The following CNOT3 variants were observed in gnomAD, a reference collection of about 807,000 sequenced individuals.
CNOT3 encodes the protein CCR4-associated factor 3.
CNOT3 carries 2 observed loss-of-function variants against 89.4 expected under a neutral mutation model. The ratio of observed to expected loss-of-function variants is 0.02; its 90% CI spans 0.01 to 0.07. CNOT3 has a LOEUF of 0.07. Ranked by LOEUF, CNOT3 falls within the 10% of genes least tolerant of loss-of-function variation. CNOT3 has a pLI of 1.00. For synonymous variants in CNOT3, 486 were observed against 402.0 expected, an observed-to-expected ratio of 1.21 and a Z score of -2.50; for missense variants, 664 against 1,010.2, an observed-to-expected ratio of 0.66 and a Z score of 4.65.
chr19:54,155,291 G>A lies in CNOT3; in HGVS notation c.2164-18G>A, dbSNP rs562950117. On this transcript the variant is annotated intron_variant, in intron 17 of 17. Transcript: ENST00000221232. ...CCACCTCCTCGTCCACTCACTGACC[G>A]CCTTCTCCCCCGGCCAGGGCACCTA... 32 of 1,612,154 alleles carry A rather than the reference G, an allele frequency of 2.0e-5. No individual in the cohort carries two copies. In the East Asian group the frequency reaches 2.7e-4, roughly 13 times the overall value.
In CNOT3 at chr19:54,152,577, G is replaced by A. The variant is rs972086604; in HGVS notation, c.1855G>A (p.Glu619Lys). ...GCAGCTCTATCAGCAGGCCATGGAAGAGGCCGCCTGGCACCACATGCCTCA... is the reference window on the plus strand; with the variant it reads ...GCAGCTCTATCAGCAGGCCATGGAAAAGGCCGCCTGGCACCACATGCCTCA... ...KEQLYQQAME[E>K]AAWHHMPHPS... The change falls in exon 15 of 18, where the codon GAG becomes AAG. Residue 619 changes from glutamate (E) to lysine (K), a missense_variant. Around this residue, in one of 8 missense-constraint regions of CNOT3, gnomAD observed 545 missense variants for 566.2 expected, o/e 0.96. Transcript: ENST00000221232. 5 of 1,614,086 alleles carry A rather than the reference G, an allele frequency of 3.1e-6. No individual in the cohort carries two copies. Among genetic ancestry groups the A allele is most frequent in the Non-Finnish European group, 4.2e-6 (5 of 1,180,014 alleles).
chr19:54,142,659 C>T (rs1568630725), intron 1 of CNOT3: 4 of 557,466 alleles, frequency 7.2e-6, no homozygotes, highest in Non-Finnish European at 1.3e-5. Context: ...ACTCCATGCT[C>T]TAGGAATTTT....
Position 54,148,438 on chromosome 19 carries a change from T to G in CNOT3, c.1185T>G (p.Pro395=), listed in dbSNP as rs1383475111. 3 of 1,569,328 alleles carry G rather than the reference T, an allele frequency of 1.9e-6. No homozygotes were observed. The highest frequency in any genetic ancestry group is 1.7e-4 in the Middle Eastern group (1 of 5,828). ...AGCCCCGGCCCCCCAGCGTCCAGCC[T>G]AGCGGAGGCGGAGGCGGCGGCAGCG... is the stretch of plus-strand genomic sequence containing the variant. ...TTQPRPPSVQ[P]SGGGGGGSGG... is the part of the protein sequence containing the mutation. Residue 395 remains proline, a synonymous_variant, in exon 11 of 18, where the codon CCT becomes CCG. Transcript: ENST00000221232. The surrounding 1 kb of genome is among the most constrained non-coding windows in gnomAD (Gnocchi z 6.3).
chr19:54,150,536 G>A (rs2075017223), intron 13 of CNOT3, among the ~76,000 whole-genome samples: 1 of 112,554 alleles, frequency 8.9e-6, no homozygotes, highest in South Asian at 2.6e-4. Context: ...CCAGTATACT[G>A]TAGCGCAGCT....
At chr19:54,150,642 G>GGAGGCA (rs760687555) in intron 13 of CNOT3, among the ~76,000 whole-genome samples, 43 of 152,014 alleles carry the variant, frequency 2.8e-4, no homozygotes, top group South Asian at 4.2e-4. Context: ...AGGCTGTCCA[G>GGAGGCA]GTCCAAGTCT....
At chr19:54,152,140 C>T (rs2075151225) in intron 13 of CNOT3, 86 bp from the exon 14 acceptor site, 2 of 1,431,334 alleles carry the variant, frequency 1.4e-6, no homozygotes, top group Non-Finnish European at 2.0e-6. Flanking sequence ...CCAAACAGGG[C>T]AGGTGAGAGC....
chr19:54,150,462 G>A (rs774202973), intron 13 of CNOT3, among the ~76,000 whole-genome samples: 3 of 151,560 alleles, frequency 2.0e-5, no homozygotes, highest in Admixed American at 1.3e-4. Context: ...GATAGTGGGT[G>A]TAGCAGGATA....
At position 54,155,560 on chromosome 19, in the gene CNOT3, C is replaced by T. The variant is rs1419947963; in HGVS notation, c.*153C>T. 2 of 944,836 alleles carry T rather than the reference C, an allele frequency of 2.1e-6. No individual in the cohort carries two copies. The highest frequency in any genetic ancestry group is 1.7e-5 in the South Asian group (1 of 58,744). The allele number at this position is 944,836 out of a possible 1,614,324, so 58.5% of individuals were successfully genotyped here. ...GGAGGGGGCCGGGAGGTTTTCCTCT[C>T]AGCCCCACCCTGGGGGCCCGGGGGC... is the stretch of plus-strand genomic sequence containing the variant. On this transcript the variant is annotated 3_prime_UTR_variant, in exon 18 of 18. Coordinates refer to ENST00000221232, the MANE Select transcript of CNOT3 (RefSeq NM_014516.4).
At chr19:54,155,246 G>A in intron 17 of CNOT3, 63 bp from the exon 18 acceptor site, 1 of 1,592,522 alleles carries the variant, frequency 6.3e-7, no homozygotes, top group East Asian at 2.3e-5. Context: ...TTTGTCTGTT[G>A]GTCCGGCCCA....
At chr19:54,142,753 A>G (rs769902904) in intron 1 of CNOT3, 176 bp from the exon 2 acceptor site, 1 of 604,058 alleles carries the variant, frequency 1.7e-6, no homozygotes, top group Non-Finnish European at 3.0e-6. Context: ...TTGGCCAGAC[A>G]CTATGCTGGG....
In CNOT3 at chr19:54,148,799, C is replaced by T. The variant is rs980261802; in HGVS notation, c.1406+56C>T. Reference sequence around the variant, plus strand: ...ATGGCAGCCTTTTGAAACAGAGAGGCGCAGGCGCCTCACCCCCGCATCGGT... The same window carrying T: ...ATGGCAGCCTTTTGAAACAGAGAGGTGCAGGCGCCTCACCCCCGCATCGGT... On this transcript the variant is annotated intron_variant, in intron 12 of 17. Transcript: ENST00000221232. The surrounding 1 kb of genome is among the most constrained non-coding windows in gnomAD (Gnocchi z 6.3). 48 of 1,570,136 alleles carry T rather than the reference C, an allele frequency of 3.1e-5. No homozygotes were observed. The highest frequency in any genetic ancestry group is 9.3e-5 in the South Asian group (8 of 85,866).
At chr19:54,149,250 G>A (rs1417263466) in intron 12 of CNOT3, among the ~76,000 whole-genome samples, 1 of 152,160 alleles carries the variant, frequency 6.6e-6, no homozygotes, top group Admixed American at 6.5e-5. Context: ...GCCTGCCCAA[G>A]GGGGAGTGGG....
chr19:54,151,328 G>A (rs2075091243), intron 13 of CNOT3, among the ~76,000 whole-genome samples: 1 of 152,132 alleles, frequency 6.6e-6, no homozygotes, highest in Non-Finnish European at 1.5e-5. Flanking sequence ...GAGGGAGGGT[G>A]GTCTGGGCAG....
intron 3 of CNOT3, 87 bp downstream of exon 3, chr19:54,143,273 G>C: frequency 7.6e-7 from 1 of 1,314,212 alleles, no homozygotes; most frequent in Non-Finnish European, 1.1e-6. Context: ...TTGACCAGCG[G>C]GAGGGGCTAC....
Position 54,144,764 on chromosome 19 carries a change from G to A in CNOT3, c.483+432G>A, listed in dbSNP as rs587751173. 3.3e-5 allele frequency among the ~76,000 whole-genome samples: 5 copies of A among 152,292 alleles called. 1 individual carries two copies. In the East Asian group the frequency reaches 9.7e-4, roughly 29 times the overall value. On this transcript the variant is annotated intron_variant, in intron 7 of 17. Transcript: ENST00000221232. This position sits in a 1 kb window ranked among gnomAD's most constrained non-coding sequence, Gnocchi z 4.8. ...AGAAGGCAGAGAACCAGGCCTGAAG[G>A]AAGACAGGAGTCTGGGACAAAGCTG...
chr19:54,141,013 G>A (rs2074427396), intron 1 of CNOT3, among the ~76,000 whole-genome samples: 1 of 152,196 alleles, frequency 6.6e-6, no homozygotes, highest in Non-Finnish European at 1.5e-5. Context: ...GGGATGGAAA[G>A]AGGGAGTGTA....
intron 16 of CNOT3, 98 bp downstream of exon 16, chr19:54,153,097 G>A: frequency 7.9e-7 from 1 of 1,266,372 alleles, no homozygotes; most frequent in East Asian, 2.3e-5. Flanking sequence ...GTGCCCCACT[G>A]CGGCCACTGG....
intron 5 of CNOT3, 77 bp downstream of exon 5, chr19:54,143,826 G>C: frequency 6.6e-7 from 1 of 1,525,166 alleles, no homozygotes; most frequent in South Asian, 1.1e-5. Flanking sequence ...CGGAGGCAGA[G>C]CGGCCAGACC....
chr19:54,139,651 G>A (rs369941622), intron 1 of CNOT3, among the ~76,000 whole-genome samples: 6 of 152,238 alleles, frequency 3.9e-5, no homozygotes, highest in South Asian at 2.1e-4. Context: ...GACCCCTCTC[G>A]GATGCAGGTG....
Sources: allele counts gnomAD v4.1 joint callset (sites outside exome capture counted in the v4.1 genomes callset), GRCh38; gene constraint gnomAD v4.1.1; regional missense constraint gnomAD v4.1.1; non-coding constraint Gnocchi (gnomAD v3.1); transcripts MANE v1.5; gene names NCBI Gene and HGNC (gene_info 2026-07-23, HGNC 2026-07-21).